The following GPBP1L1 variants were observed in gnomAD, a reference collection of about 807,000 sequenced individuals.
GPBP1L1 encodes GC-rich promoter binding protein 1 like 1, also known as vasculin-like protein 1.
In GPBP1L1, 23 loss-of-function variants were observed where a neutral mutation model predicts 52.5. The ratio of observed to expected loss-of-function variants is 0.44; its 90% CI spans 0.32 to 0.62. GPBP1L1 has a LOEUF of 0.62. GPBP1L1 is among the 20% of genes least tolerant of loss of function. The pLI is 0.06. For missense variants in GPBP1L1, 596 were observed against 579.3 expected, an observed-to-expected ratio of 1.03 and a Z score of -0.30; for synonymous variants, 243 against 203.1, an observed-to-expected ratio of 1.20 and a Z score of -1.67.
chr1:45,635,451 A>G (rs766308969), intron 8 of GPBP1L1: 5 of 152,212 alleles, frequency 3.3e-5, no homozygotes, highest in African/African-American at 4.8e-5. Context: ...CTTTAAAACA[A>G]TGTCACTCCA....
chr1:45,636,998 A>G lies in GPBP1L1; in HGVS notation c.745-2762T>C, dbSNP rs78523683. 5.6e-4 allele frequency among the ~76,000 whole-genome samples: 85 copies of G among 152,344 alleles called. No homozygotes were observed. The East Asian group carries it at 0.013, about 24-fold the overall frequency. ...CAGGATTAAAAGAGTAAATGCTTTA[A>G]TATGTGTAAAAGCCCTAACCAAGCA... On this transcript the variant is annotated intron_variant, in intron 8 of 12. Transcript: ENST00000355105.
intron 8 of GPBP1L1, among the ~76,000 whole-genome samples, chr1:45,639,446 G>A (rs1644639814): frequency 6.6e-6 from 1 of 152,010 alleles, no homozygotes; most frequent in African/African-American, 2.4e-5. Context: ...AACCAGAGGG[G>A]CCAGGTGTGG....
chr1:45,674,332 G>T (rs886888521), intron 2 of GPBP1L1, among the ~76,000 whole-genome samples: 5 of 152,112 alleles, frequency 3.3e-5, no homozygotes, highest in African/African-American at 1.2e-4. Flanking sequence ...AAGACAGTAT[G>T]TCATAAAAGA....
chr1:45,655,415 T>C, intron 4 of GPBP1L1, 96 bp from the exon 5 acceptor site: 1 of 1,349,344 alleles, frequency 7.4e-7, no homozygotes. Context: ...AAAAAACAAG[T>C]AATAATGGTG....
chr1:45,684,220 C>G (rs1015906795), intron 2 of GPBP1L1, among the ~76,000 whole-genome samples: 1 of 135,390 alleles, frequency 7.4e-6, no homozygotes, highest in African/African-American at 2.8e-5. Context: ...ATCAAGCCAC[C>G]GCACTCCAGC....
intron 8 of GPBP1L1, among the ~76,000 whole-genome samples, chr1:45,638,798 A>T (rs1445673412): frequency 1.3e-5 from 2 of 152,222 alleles, no homozygotes; most frequent in African/African-American, 2.4e-5. Flanking sequence ...TAGATGAAAG[A>T]AAAGAAAGAA....
chr1:45,669,217 G>A (rs1645045870), intron 2 of GPBP1L1, among the ~76,000 whole-genome samples: 2 of 152,186 alleles, frequency 1.3e-5, no homozygotes, highest in South Asian at 2.1e-4. Flanking sequence ...CCAGACTAGA[G>A]TACATTGGCA....
intron 6 of GPBP1L1, chr1:45,645,816 C>T: frequency 2.2e-6 from 1 of 454,738 alleles, no homozygotes; most frequent in Non-Finnish European, 4.2e-6. Flanking sequence ...TATTGCATCC[C>T]TAGAAACAAA....
rs1379215143 is a variant in GPBP1L1 at position 45,657,188 on chromosome 1, G to T, written c.60+1840C>A. On this transcript the variant is annotated intron_variant, in intron 4 of 12. Transcript: ENST00000355105. The stretch of plus-strand genomic sequence containing the variant: ...GGTAGCCCACTAGCTCCAAGCTTTG[G>T]GTCAGATTAGGCCAATTATGAGGTC... Among the ~76,000 whole-genome samples the T allele has an allele frequency of 3.3e-5, 5 of 152,162 alleles. No homozygotes were observed. The South Asian group carries it at 1.0e-3, about 32-fold the overall frequency.
intron 2 of GPBP1L1, among the ~76,000 whole-genome samples, chr1:45,683,751 CAAAAAAAA>C (rs55857116): frequency 3.2e-4 from 30 of 93,132 alleles, no homozygotes; most frequent in African/African-American, 1.0e-3. Flanking sequence ...TAATAAAATA[CAAAAAAAA>C]AAAAAAAAAA....
chr1:45,647,400 T>G (rs560851225), intron 6 of GPBP1L1, among the ~76,000 whole-genome samples: 1 of 152,318 alleles, frequency 6.6e-6, no homozygotes, highest in East Asian at 1.9e-4. Context: ...AGTGACGGGC[T>G]TTGTTCTGGA....
Position 45,639,452 on chromosome 1 carries a change from T to TGTG in GPBP1L1, c.744+755_744+757dup, listed in dbSNP as rs147996625. Among the ~76,000 whole-genome samples, 454 of 151,484 alleles carry TGTG rather than the reference T, an allele frequency of 3.0e-3. 3 individuals are homozygous for TGTG. Among genetic ancestry groups the TGTG allele is most frequent in the East Asian group, 0.022 (112 of 5,136 alleles). ...ATTACAGAAAACCAGAGGGGCCAGG[T>TGTG]GTGGTGGCTCACGCCCATAATCTCA... On this transcript the variant is annotated intron_variant, in intron 8 of 12. Transcript: ENST00000355105.
intron 2 of GPBP1L1, among the ~76,000 whole-genome samples, chr1:45,676,100 C>A (rs1275508158): frequency 6.6e-6 from 1 of 152,124 alleles, no homozygotes; most frequent in African/African-American, 2.4e-5. Context: ...GTTATTAGTG[C>A]CTTGCTTCTT....
chr1:45,682,417 G>A (rs1215611565), intron 2 of GPBP1L1, among the ~76,000 whole-genome samples: 4 of 152,098 alleles, frequency 2.6e-5, no homozygotes, highest in Non-Finnish European at 5.9e-5. Context: ...TGTTCATTCT[G>A]GTGATTCTCT....
chr1:45,647,559 T>TG (rs1644765970), intron 6 of GPBP1L1, among the ~76,000 whole-genome samples: 2 of 152,230 alleles, frequency 1.3e-5, no homozygotes, highest in Non-Finnish European at 2.9e-5. Flanking sequence ...TGTTAACTTC[T>TG]GCCAGCGGAG....
intron 2 of GPBP1L1, among the ~76,000 whole-genome samples, chr1:45,663,098 T>C (rs1644966665): frequency 6.7e-6 from 1 of 149,794 alleles, no homozygotes; most frequent in Non-Finnish European, 1.5e-5. Context: ...TATATAAGCC[T>C]ACACCTGTAA....
chr1:45,684,107 A>C lies in GPBP1L1; in HGVS notation c.-1098+1469T>G, dbSNP rs1212098025. Among the ~76,000 whole-genome samples, 2 of 151,592 alleles carry C rather than the reference A, an allele frequency of 1.3e-5. 1 individual carries two copies. Among genetic ancestry groups the C allele is most frequent in the South Asian group, 4.2e-4 (2 of 4,806 alleles). On this transcript the variant is annotated intron_variant, in intron 2 of 12. Transcript: ENST00000355105. ...ACCCATCTCTACTAAAAATACAAAA[A>C]ATTAGCCAGGCGTAGTGGTGAGCCC...
intron 6 of GPBP1L1, among the ~76,000 whole-genome samples, chr1:45,652,973 G>A (rs1003268930): frequency 1.3e-5 from 2 of 152,164 alleles, no homozygotes; most frequent in African/African-American, 2.4e-5. Flanking sequence ...ATTTGAAATT[G>A]TAGTAATTTC....
intron 6 of GPBP1L1, among the ~76,000 whole-genome samples, chr1:45,643,695 A>T (rs1644704370): frequency 9.7e-6 from 1 of 103,302 alleles, no homozygotes; most frequent in Non-Finnish European, 1.7e-5. Context: ...TTTGTGACAG[A>T]GTGTCACTCT....
Sources: gnomAD v4.1 joint callset for allele counts (sites outside exome capture counted in the v4.1 genomes callset) on GRCh38, gnomAD v4.1.1 for gene constraint, MANE v1.5 for transcripts, NCBI Gene and HGNC (gene_info 2026-07-23, HGNC 2026-07-21) for gene names.